Variants in SLC22A3 observed in about 807,000 individuals in gnomAD.
The protein encoded by SLC22A3 is EMT organic cation transporter 3.
Under a neutral mutation model 59.1 loss-of-function variants are expected in SLC22A3, and 51 were observed. The ratio of observed to expected loss-of-function variants is 0.86; its 90% CI spans 0.69 to 1.09. The LOEUF is 1.09. Ranked by LOEUF, SLC22A3 falls within the 50% of genes least tolerant of loss-of-function variation. The pLI, the probability that SLC22A3 is intolerant of heterozygous loss-of-function variation, is 0.00. For missense variants in SLC22A3, 711 were observed against 726.3 expected, an observed-to-expected ratio of 0.98 and a Z score of 0.24; for synonymous variants, 325 against 292.0, an observed-to-expected ratio of 1.11 and a Z score of -1.15.
chr6:160,433,103 A>C (rs142319905), intron 5 of SLC22A3, among the ~76,000 whole-genome samples: 2 of 152,342 alleles, frequency 1.3e-5, no homozygotes, highest in Middle Eastern at 3.4e-3. Context: ...TACGATGGTA[A>C]AGGTAAGTAG....
intron 1 of SLC22A3, among the ~76,000 whole-genome samples, chr6:160,376,480 TG>T (rs1785599194): frequency 1.3e-5 from 2 of 152,146 alleles, no homozygotes; most frequent in African/African-American, 4.8e-5. Context: ...CGTATACCTA[TG>T]TAACAAACCT....
At chr6:160,406,803 T>A (rs9457918) in intron 2 of SLC22A3, among the ~76,000 whole-genome samples, 1 of 152,002 alleles carries the variant, frequency 6.6e-6, no homozygotes, top group Admixed American at 6.6e-5. Context: ...AAACAATAGT[T>A]TCAAGGAGGG....
chr6:160,440,266 G>A lies in SLC22A3; in HGVS notation c.1289-2495G>A, dbSNP rs79421715. Among the ~76,000 whole-genome samples, 760 of 152,228 alleles carry A rather than the reference G, an allele frequency of 5.0e-3. 4 individuals are homozygous for A. The highest frequency in any genetic ancestry group is 0.016 in the African/African-American group (682 of 41,544). The stretch of plus-strand genomic sequence containing the variant: ...ACAAACCTAGCAGTTTGGATAAGTC[G>A]TCTTCTTGAACTGGAAAACTTGTCT... On this transcript the variant is annotated intron_variant, in intron 7 of 10. Transcript: ENST00000275300.
At chr6:160,406,951 T>G in intron 2 of SLC22A3, 90 bp from the exon 3 acceptor site, 1 of 1,415,930 alleles carries the variant, frequency 7.1e-7, no homozygotes, top group Non-Finnish European at 9.8e-7. Context: ...TACAGTATAA[T>G]ATGGTATGAT....
At chr6:160,417,023 T>C (rs760841476) in intron 5 of SLC22A3, among the ~76,000 whole-genome samples, 1 of 152,206 alleles carries the variant, frequency 6.6e-6, no homozygotes, top group Non-Finnish European at 1.5e-5. Context: ...CTGTGATAAA[T>C]TGTATTAATC....
chr6:160,416,075 CTCATT>C (rs1445652504), intron 5 of SLC22A3, among the ~76,000 whole-genome samples: 18 of 152,310 alleles, frequency 1.2e-4, no homozygotes, highest in African/African-American at 4.3e-4. Flanking sequence ...ATGGATGTTA[CTCATT>C]TCATGGGTAG....
At chr6:160,421,674 G>T (rs1425242948) in intron 5 of SLC22A3, among the ~76,000 whole-genome samples, 1 of 152,120 alleles carries the variant, frequency 6.6e-6, no homozygotes, top group East Asian at 1.9e-4. Context: ...CATTAATATT[G>T]GTTGTTCTCT....
chr6:160,410,322 T>C (rs1787194950), intron 4 of SLC22A3, among the ~76,000 whole-genome samples: 1 of 152,202 alleles, frequency 6.6e-6, no homozygotes, highest in Non-Finnish European at 1.5e-5. Context: ...CAGCCAGCAT[T>C]TGATTTTTAT....
rs746378338 is a variant in SLC22A3, at chr6:160,408,755, A to G, written c.691A>G (p.Thr231Ala). The change falls in exon 4 of 11, where the codon ACA (threonine) becomes GCA (alanine). Residue 231 changes from threonine (T) to alanine (A), a missense_variant and splice_region_variant. By Grantham distance (58) the Thr-to-Ala change is moderately conservative. Transcript: ENST00000275300. ...CTCTTGTGTTTGTTTTCCTTTAGTGACAGAAATAGTAGGTTCGAAACAAAG... is the reference window on the plus strand; with the variant it reads ...CTCTTGTGTTTGTTTTCCTTTAGTGGCAGAAATAGTAGGTTCGAAACAAAG... ...GTWMTCYVIV[T>A]EIVGSKQRRI... 1.9e-6 allele frequency: 3 copies of G among 1,613,500 alleles called. No homozygotes were observed. The highest frequency in any genetic ancestry group is 2.5e-6 in the Non-Finnish European group (3 of 1,179,636).
At chr6:160,356,956 G>A (rs1784859856) in intron 1 of SLC22A3, among the ~76,000 whole-genome samples, 1 of 152,160 alleles carries the variant, frequency 6.6e-6, no homozygotes, top group African/African-American at 2.4e-5. Flanking sequence ...GAGAAAATTA[G>A]TGAGGGGTGA....
At chr6:160,397,910 C>A in intron 1 of SLC22A3, 69 bp from the exon 2 acceptor site, 1 of 1,196,560 alleles carries the variant, frequency 8.4e-7, no homozygotes, top group Non-Finnish European at 1.2e-6. Flanking sequence ...TTGATCTATA[C>A]AAAAGATAAG....
chr6:160,348,889 C>A lies in SLC22A3; in HGVS notation c.429+41C>A, dbSNP rs577799781. 7 of 1,541,692 alleles carry A rather than the reference C, an allele frequency of 4.5e-6. No homozygotes were observed. The South Asian group carries it at 8.3e-5, about 18-fold the overall frequency. Reference sequence around the variant, plus strand: ...CCCTTTGGAAGCCGGCGGGAGAGGACGATGCTGGCTCCCAGGCGGACAAGC... The same window carrying A: ...CCCTTTGGAAGCCGGCGGGAGAGGAAGATGCTGGCTCCCAGGCGGACAAGC... On this transcript the variant is annotated intron_variant, in intron 1 of 10. Coordinates refer to ENST00000275300, the MANE Select transcript of SLC22A3 (RefSeq NM_021977.4).
intron 1 of SLC22A3, among the ~76,000 whole-genome samples, chr6:160,393,573 A>G (rs1290565318): frequency 2.0e-5 from 3 of 151,872 alleles, no homozygotes; most frequent in African/African-American, 7.3e-5. Flanking sequence ...GTTTGCTGAG[A>G]ATGATGGTTT....
intron 10 of SLC22A3, 112 bp downstream of exon 10, chr6:160,447,930 C>A (rs1788807694): frequency 2.3e-6 from 2 of 878,036 alleles, no homozygotes; most frequent in Non-Finnish European, 3.8e-6. Flanking sequence ...AGAATAAATC[C>A]TCATCTCATA....
chr6:160,415,889 G>GTTCCA lies in SLC22A3; in HGVS notation c.975+5045_975+5049dup, dbSNP rs1787467039. On this transcript the variant is annotated intron_variant, in intron 5 of 10. Coordinates refer to ENST00000275300, the MANE Select transcript of SLC22A3 (RefSeq NM_021977.4). The surrounding 1 kb of genome is among the most constrained non-coding windows in gnomAD (Gnocchi z 4.1). ...ACCTAGCTTAAATCTACCCAAGGAT[G>GTTCCA]TTCCATATTACAGATAAGCTAAATT... is the stretch of plus-strand genomic sequence containing the variant. 6.6e-6 allele frequency among the ~76,000 whole-genome samples: 1 copy of GTTCCA among 152,164 alleles called. No individual in the cohort carries two copies. The highest frequency in any genetic ancestry group is 1.5e-5 in the Non-Finnish European group (1 of 68,028).
chr6:160,428,396 G>C (rs988920411), intron 5 of SLC22A3, among the ~76,000 whole-genome samples: 1 of 152,196 alleles, frequency 6.6e-6, no homozygotes, highest in East Asian at 1.9e-4. Flanking sequence ...GACCAGACTC[G>C]CTCAGTGCAG....
At chr6:160,396,371 T>G (rs1002427590) in intron 1 of SLC22A3, among the ~76,000 whole-genome samples, 4 of 152,176 alleles carry the variant, frequency 2.6e-5, no homozygotes, top group African/African-American at 9.7e-5. Flanking sequence ...TTTTTTTCCT[T>G]AGAGCAGAAC....
intron 2 of SLC22A3, among the ~76,000 whole-genome samples, chr6:160,398,748 C>T (rs1786630424): frequency 6.6e-6 from 1 of 152,278 alleles, no homozygotes; most frequent in Middle Eastern, 3.4e-3. Flanking sequence ...CCAATTCTAA[C>T]TATGAAAATA....
At chr6:160,354,881 C>T (rs1299899102) in intron 1 of SLC22A3, among the ~76,000 whole-genome samples, 3 of 152,148 alleles carry the variant, frequency 2.0e-5, no homozygotes, top group Non-Finnish European at 4.4e-5. Flanking sequence ...TCCCAGCTTC[C>T]CTTGAAGCTA....
Sources: allele counts gnomAD v4.1 joint callset (sites outside exome capture counted in the v4.1 genomes callset), GRCh38; gene constraint gnomAD v4.1.1; non-coding constraint Gnocchi (gnomAD v3.1); transcripts MANE v1.5; gene names NCBI Gene and HGNC (gene_info 2026-07-23, HGNC 2026-07-21).